The following SLC24A2 variants were observed in gnomAD, a reference collection of about 807,000 sequenced individuals.
The protein encoded by SLC24A2 is sodium/potassium/calcium exchanger 2.
SLC24A2 carries 36 observed loss-of-function variants against 62.0 expected under a neutral mutation model. The observed-to-expected ratio is 0.58, with a 90% confidence interval of 0.44 to 0.77. The LOEUF (loss-of-function observed/expected upper bound fraction) is 0.77, where lower values mean the gene tolerates loss of function less well. Among genes scored for constraint, SLC24A2 ranks in the 30% least tolerant of loss-of-function variants. The pLI, the probability that SLC24A2 is intolerant of heterozygous loss-of-function variation, is 0.00. For missense variants in SLC24A2, 846 were observed against 817.9 expected (o/e 1.03, Z -0.42); for synonymous variants, 358 against 294.0 (o/e 1.22, Z -2.23).
chr9:19,579,367 A>G (rs746621792), intron 5 of SLC24A2, among the ~76,000 whole-genome samples: 2 of 152,178 alleles, frequency 1.3e-5, no homozygotes, highest in Non-Finnish European at 2.9e-5. Flanking sequence ...TAAACAGATA[A>G]TAAGAGTGAG....
At chr9:19,735,688 A>AC (rs1821486545) in intron 2 of SLC24A2, among the ~76,000 whole-genome samples, 1 of 152,200 alleles carries the variant, frequency 6.6e-6, no homozygotes, top group Non-Finnish European at 1.5e-5. Context: ...ATAAAAAATG[A>AC]TGAGTTCATG....
At chr9:19,820,173 G>T in the SLC24A2 span, among the ~76,000 whole-genome samples, 2 of 149,214 alleles carry the variant, frequency 1.3e-5, no homozygotes, top group African/African-American at 2.5e-5. Context: ...TCTAAGTGAA[G>T]TAACTCAGGA....
At chr9:20,012,629 T>C in the SLC24A2 span, among the ~76,000 whole-genome samples, 4 of 152,140 alleles carry the variant, frequency 2.6e-5, no homozygotes, top group African/African-American at 9.7e-5. Flanking sequence ...ATCTTATATA[T>C]AAAAGATCCA....
Position 19,744,573 on chromosome 9 carries a change from C to T in SLC24A2, c.930+41364G>A, listed in dbSNP as rs1296880681. The stretch of plus-strand genomic sequence containing the variant: ...AAAGGGGACAGCCGCTACTTGGCTC[C>T]AACTGATGTTGTCACATGGAAAGGA... On this transcript the variant is annotated intron_variant, in intron 2 of 10. Coordinates refer to ENST00000341998, the MANE Select transcript of SLC24A2 (RefSeq NM_020344.4). 2.0e-5 allele frequency among the ~76,000 whole-genome samples: 3 copies of T among 152,244 alleles called. No homozygotes were observed. In the East Asian group the frequency reaches 5.8e-4, roughly 29 times the overall value.
At chr9:19,574,365 G>A (rs949049020) in intron 6 of SLC24A2, among the ~76,000 whole-genome samples, 1 of 152,152 alleles carries the variant, frequency 6.6e-6, no homozygotes, top group African/African-American at 2.4e-5. Flanking sequence ...GTGACTCTAG[G>A]GTAATGGTTA....
intron 3 of SLC24A2, 99 bp from the exon 4 acceptor site, chr9:19,619,791 C>T (rs978822538): frequency 5.9e-5 from 52 of 879,946 alleles, no homozygotes; most frequent in South Asian, 5.4e-4. Context: ...TCATTTCTGT[C>T]GCATGATCAC....
At chr9:19,912,501 G>A in the SLC24A2 span, among the ~76,000 whole-genome samples, 1 of 152,206 alleles carries the variant, frequency 6.6e-6, no homozygotes, top group South Asian at 2.1e-4. Context: ...GCTCTCTACA[G>A]TACAACAGAT....
chr9:19,541,521 G>T (rs1238694211), intron 8 of SLC24A2, among the ~76,000 whole-genome samples: 1 of 119,116 alleles, frequency 8.4e-6, no homozygotes, highest in Non-Finnish European at 1.6e-5. Flanking sequence ...GCTGCTCGGG[G>T]GTCAGGGGTC....
At chr9:19,932,167 G>A in the SLC24A2 span, among the ~76,000 whole-genome samples, 6 of 151,978 alleles carry the variant, frequency 3.9e-5, no homozygotes, top group Admixed American at 2.6e-4. Context: ...AGGAGAAAAA[G>A]GAAACCATTT....
chr9:19,640,321 TTA>T (rs1480253724), intron 2 of SLC24A2, among the ~76,000 whole-genome samples: 1 of 152,248 alleles, frequency 6.6e-6, no homozygotes, highest in Non-Finnish European at 1.5e-5. Flanking sequence ...AGTTGAATCT[TTA>T]TCTTTTCAGA....
At chr9:19,555,322 G>A (rs1159520214) in intron 7 of SLC24A2, among the ~76,000 whole-genome samples, 1 of 152,170 alleles carries the variant, frequency 6.6e-6, no homozygotes, top group Admixed American at 6.5e-5. Context: ...GACCTCTTCT[G>A]AGAAACTGAA....
chr9:19,528,690 A>G (rs565596887), intron 8 of SLC24A2, among the ~76,000 whole-genome samples: 29 of 152,240 alleles, frequency 1.9e-4, no homozygotes, highest in Admixed American at 9.8e-4. Flanking sequence ...CACACAGAAA[A>G]AGCCACCACC....
the SLC24A2 span, among the ~76,000 whole-genome samples, chr9:20,105,628 T>C: frequency 6.6e-6 from 1 of 151,894 alleles, no homozygotes; most frequent in Non-Finnish European, 1.5e-5. Flanking sequence ...AAGGCAGAAA[T>C]AAAGATGTTC....
chr9:19,563,425 C>G (rs1440793697), intron 7 of SLC24A2, among the ~76,000 whole-genome samples: 1 of 152,092 alleles, frequency 6.6e-6, no homozygotes, highest in Non-Finnish European at 1.5e-5. Context: ...TTTGGAGGTT[C>G]CCAAACCCTG....
At chr9:19,909,749 G>A in the SLC24A2 span, among the ~76,000 whole-genome samples, 8 of 151,990 alleles carry the variant, frequency 5.3e-5, no homozygotes, top group African/African-American at 1.2e-4. Flanking sequence ...CACATGATAC[G>A]AAGACAGAAA....
chr9:20,058,759 C>A, the SLC24A2 span, among the ~76,000 whole-genome samples: 1 of 152,240 alleles, frequency 6.6e-6, no homozygotes, highest in African/African-American at 2.4e-5. Context: ...GGGTGAAACC[C>A]TGTCTCTAAC....
At chr9:20,061,954 G>C in the SLC24A2 span, among the ~76,000 whole-genome samples, 1 of 152,174 alleles carries the variant, frequency 6.6e-6, no homozygotes, top group Non-Finnish European at 1.5e-5. Context: ...CTTGTATCTA[G>C]CCTGAGCATG....
At chr9:19,597,979 C>T (rs1836743892) in intron 4 of SLC24A2, among the ~76,000 whole-genome samples, 1 of 152,050 alleles carries the variant, frequency 6.6e-6, no homozygotes, top group Non-Finnish European at 1.5e-5. Flanking sequence ...CCATCAGCTC[C>T]CCCTCTGTGT....
At chr9:20,106,150 A>C in the SLC24A2 span, among the ~76,000 whole-genome samples, 1 of 152,224 alleles carries the variant, frequency 6.6e-6, no homozygotes, top group Admixed American at 6.5e-5. Flanking sequence ...TAAACCAGGA[A>C]GAAGTTGAAT....
Sources: allele counts gnomAD v4.1 joint callset (sites outside exome capture counted in the v4.1 genomes callset), GRCh38; gene constraint gnomAD v4.1.1; transcripts MANE v1.5; gene names NCBI Gene and HGNC (gene_info 2026-07-23, HGNC 2026-07-21).